The following PALLD variants were observed in gnomAD, a reference collection of about 807,000 sequenced individuals.
PALLD encodes the protein palladin.
A neutral mutation model predicts 123.5 loss-of-function variants in PALLD; 61 were observed. The observed-to-expected ratio is 0.49, with a 90% CI of 0.40 to 0.61. PALLD has a LOEUF of 0.61. PALLD is among the 20% of genes least tolerant of loss of function. The pLI, the probability that PALLD is intolerant of heterozygous loss-of-function variation, is 0.00. For synonymous variants in PALLD, 465 were observed against 496.4 expected (o/e 0.94, Z 0.84); for missense variants, 1,273 against 1,377.0 (o/e 0.92, Z 1.20).
chr4:168,608,048 C>T (rs574208713), intron 2 of PALLD, among the ~76,000 whole-genome samples: 18 of 152,308 alleles, frequency 1.2e-4, no homozygotes, highest in African/African-American at 4.3e-4. Flanking sequence ...AGAGCTGGCT[C>T]TTGTTCAGTA....
Position 168,883,948 on chromosome 4 carries a change from CA to C in PALLD, c.1965-6963del, listed in dbSNP as rs35084179. On this transcript the variant is annotated intron_variant, in intron 10 of 21. Transcript: ENST00000505667. ...ATTTTTTTTTAATTGTGCAAACCAT[CA>C]AAAAAAAAAAGGAGATCATGTCTTT... is the stretch of plus-strand genomic sequence containing the variant. Among the ~76,000 whole-genome samples, 65 of 142,426 alleles carry C rather than the reference CA, an allele frequency of 4.6e-4. 1 individual carries two copies. Among genetic ancestry groups the C allele is most frequent in the African/African-American group, 9.1e-4 (35 of 38,568 alleles). The allele number at this position is 142,426 out of a possible 152,430, so 93.4% of individuals were successfully genotyped here.
At chr4:168,535,826 T>C (rs529407462) in intron 2 of PALLD, among the ~76,000 whole-genome samples, 1 of 152,296 alleles carries the variant, frequency 6.6e-6, no homozygotes, top group South Asian at 2.1e-4. Context: ...ATGCTGTCTA[T>C]AAGGGGTAAG....
intron 10 of PALLD, among the ~76,000 whole-genome samples, chr4:168,714,469 AAAT>A (rs1785146654): frequency 6.6e-6 from 1 of 152,228 alleles, no homozygotes. Context: ...TGACATCTAC[AAAT>A]AATGTAGAAC....
intron 2 of PALLD, among the ~76,000 whole-genome samples, chr4:168,566,187 C>T (rs1768357267): frequency 6.6e-6 from 1 of 152,196 alleles, no homozygotes; most frequent in Non-Finnish European, 1.5e-5. Flanking sequence ...TTTAGAAACA[C>T]CAAACTCAGC....
chr4:168,534,279 G>A (rs980100232), intron 2 of PALLD, among the ~76,000 whole-genome samples: 2 of 152,180 alleles, frequency 1.3e-5, no homozygotes, highest in South Asian at 2.1e-4. Flanking sequence ...GCCACCAGGA[G>A]CAAGACCAGA....
At chr4:168,520,160 A>C (rs908764162) in intron 2 of PALLD, among the ~76,000 whole-genome samples, 8 of 151,938 alleles carry the variant, frequency 5.3e-5, no homozygotes, top group African/African-American at 1.5e-4. Context: ...CCCAGTCTCT[A>C]CTGAAAATAC....
At chr4:168,560,895 A>G (rs1273248966) in intron 2 of PALLD, among the ~76,000 whole-genome samples, 2 of 152,204 alleles carry the variant, frequency 1.3e-5, no homozygotes, top group African/African-American at 4.8e-5. Flanking sequence ...AAGTGCATAC[A>G]TACACACAAG....
At chr4:168,500,503 A>G (rs1303796779) in intron 1 of PALLD, among the ~76,000 whole-genome samples, 1 of 152,120 alleles carries the variant, frequency 6.6e-6, no homozygotes, top group Non-Finnish European at 1.5e-5. Flanking sequence ...AGCTGGGGCT[A>G]CAGGCACACA....
At chr4:168,616,009 C>A (rs571310790) in intron 2 of PALLD, among the ~76,000 whole-genome samples, 3 of 152,064 alleles carry the variant, frequency 2.0e-5, no homozygotes, top group African/African-American at 7.2e-5. Context: ...CTTTTTTAAG[C>A]CATCCTTGGG....
intron 10 of PALLD, among the ~76,000 whole-genome samples, chr4:168,724,965 A>G (rs1272702244): frequency 6.6e-6 from 1 of 152,184 alleles, no homozygotes; most frequent in African/African-American, 2.4e-5. Flanking sequence ...ACTGTACACC[A>G]TCTCGACTCT....
At chr4:168,514,217 C>T (rs1206610581) in intron 2 of PALLD, among the ~76,000 whole-genome samples, 1 of 152,200 alleles carries the variant, frequency 6.6e-6, no homozygotes, top group Non-Finnish European at 1.5e-5. Flanking sequence ...TACTTTCTTA[C>T]TAATAGCATT....
At chr4:168,923,322 A>G (rs1761951087) in intron 18 of PALLD, among the ~76,000 whole-genome samples, 1 of 152,126 alleles carries the variant, frequency 6.6e-6, no homozygotes, top group Admixed American at 6.5e-5. Context: ...TTCAGGTAGA[A>G]TTTTCATCCT....
At position 168,681,361 on chromosome 4, in the gene PALLD, A is replaced by T; in HGVS notation, c.1117A>T (p.Ser373Cys). 1 of 1,609,648 alleles carries T rather than the reference A, an allele frequency of 6.2e-7. No individual in the cohort carries two copies. The highest frequency in any genetic ancestry group is 2.2e-5 in the East Asian group (1 of 44,828). Residue 373 changes from serine (S) to cysteine (C), a missense_variant, in exon 4 of 22, where the codon AGT becomes TGT. Ser to Cys is a moderately radical substitution (Grantham distance 112, BLOSUM62 -1). Transcript: ENST00000505667. ...CAGTTCAACAGATTCTGACAGTGAA[A>T]GTTTAGCTTTCAAATCAAGAGCTGG... ...GASSTDSDSE[S>C]LAFKSRAGAM...
At chr4:168,540,806 G>GA (rs137855493) in intron 2 of PALLD, among the ~76,000 whole-genome samples, 2,559 of 143,470 alleles carry the variant, frequency 0.018, 36 homozygotes, top group Middle Eastern at 0.036. Flanking sequence ...CAGGTGGGAA[G>GA]AAAAAAAAAA....
chr4:168,521,738 C>T (rs1050833315), intron 2 of PALLD, among the ~76,000 whole-genome samples: 11 of 152,148 alleles, frequency 7.2e-5, no homozygotes, highest in South Asian at 2.1e-4. Context: ...AATGATTTAT[C>T]AGAAATACAA....
intron 8 of PALLD, among the ~76,000 whole-genome samples, chr4:168,696,956 A>G (rs2150143858): frequency 6.6e-6 from 1 of 152,334 alleles, no homozygotes; most frequent in Middle Eastern, 3.4e-3. Flanking sequence ...GCCAGATGGA[A>G]AAATCCACTG....
intron 2 of PALLD, among the ~76,000 whole-genome samples, chr4:168,658,791 A>G (rs984260866): frequency 1.3e-5 from 2 of 152,212 alleles, no homozygotes; most frequent in Non-Finnish European, 2.9e-5. Flanking sequence ...CTTGCTAGAC[A>G]TGAATCTGGT....
intron 10 of PALLD, among the ~76,000 whole-genome samples, chr4:168,730,656 C>T (rs1581182247): frequency 1.3e-5 from 2 of 152,102 alleles, no homozygotes; most frequent in East Asian, 3.9e-4. Flanking sequence ...CCCCCAAGTG[C>T]CAATATCTTC....
intron 10 of PALLD, among the ~76,000 whole-genome samples, chr4:168,848,169 A>ACCCCT (rs576434729): frequency 2.0e-4 from 2 of 9,852 alleles, no homozygotes; most frequent in Non-Finnish European, 2.6e-4. Context: ...ACCCCACCCC[A>ACCCCT]CCCCACCCCT....
Sources: gnomAD v4.1 joint callset for allele counts (sites outside exome capture counted in the v4.1 genomes callset) on GRCh38, gnomAD v4.1.1 for gene constraint, MANE v1.5 for transcripts, NCBI Gene and HGNC (gene_info 2026-07-23, HGNC 2026-07-21) for gene names.